Variants in MIS18BP1 observed in about 807,000 individuals in gnomAD.
MIS18BP1 encodes the protein MIS18 binding protein 1, also known as mis18-binding protein 1.
In MIS18BP1, 72 loss-of-function variants were observed where a neutral mutation model predicts 116.1. The ratio of observed to expected loss-of-function variants is 0.62; its 90% CI spans 0.51 to 0.75. MIS18BP1 has a LOEUF of 0.75. Among genes scored for constraint, MIS18BP1 ranks in the 30% least tolerant of loss-of-function variants. The probability of loss-of-function intolerance (pLI) is 0.00; values close to 1 mark genes in which losing one functional copy is unlikely to be tolerated. For synonymous variants in MIS18BP1, 386 were observed against 427.0 expected, an observed-to-expected ratio of 0.90 and a Z score of 1.18; for missense variants, 1,363 against 1,303.2, an observed-to-expected ratio of 1.05 and a Z score of -0.71.
chr14:45,216,079 T>C (rs1203654835), intron 13 of MIS18BP1, among the ~76,000 whole-genome samples: 2 of 152,224 alleles, frequency 1.3e-5, no homozygotes, highest in Non-Finnish European at 2.9e-5. Context: ...ATATTTGTAT[T>C]GTATTTCACT....
intron 13 of MIS18BP1, among the ~76,000 whole-genome samples, chr14:45,211,133 C>G (rs1057166342): frequency 6.6e-6 from 1 of 152,134 alleles, no homozygotes; most frequent in Non-Finnish European, 1.5e-5. Context: ...AAAATGTGAA[C>G]CTCCGTTTCT....
At chr14:45,231,382 C>T in intron 7 of MIS18BP1, 84 bp from the exon 8 acceptor site, 1 of 1,226,492 alleles carries the variant, frequency 8.2e-7, no homozygotes, top group Non-Finnish European at 1.1e-6. Flanking sequence ...TAAATAAAAA[C>T]CCCTCACATA....
At chr14:45,219,866 T>G (rs1303911022) in intron 11 of MIS18BP1, among the ~76,000 whole-genome samples, 1 of 152,200 alleles carries the variant, frequency 6.6e-6, no homozygotes, top group Admixed American at 6.5e-5. Flanking sequence ...CAAATAATAA[T>G]GTATTTAATA....
At chr14:45,218,556 GA>G in intron 11 of MIS18BP1, 102 bp from the exon 12 acceptor site, 2 of 1,082,850 alleles carry the variant, frequency 1.8e-6, no homozygotes, top group Non-Finnish European at 2.5e-6. Context: ...TGAGATGAAG[GA>G]ATCAGTTTTA....
intron 2 of MIS18BP1, among the ~76,000 whole-genome samples, chr14:45,244,264 C>T (rs1447666144): frequency 6.6e-6 from 1 of 152,154 alleles, no homozygotes; most frequent in Non-Finnish European, 1.5e-5. Flanking sequence ...TGGGCATCTA[C>T]CCATGTGTTC....
chr14:45,220,754 G>A (rs1459646651), intron 11 of MIS18BP1, among the ~76,000 whole-genome samples: 2 of 152,194 alleles, frequency 1.3e-5, no homozygotes, highest in Non-Finnish European at 2.9e-5. Context: ...CAGGGAGAGG[G>A]AGGAGCTTGG....
At chr14:45,249,230 C>T (rs1891804449) in intron 1 of MIS18BP1, among the ~76,000 whole-genome samples, 1 of 152,080 alleles carries the variant, frequency 6.6e-6, no homozygotes. Flanking sequence ...TAGCTGGGAT[C>T]ACAGGCACAT....
At position 45,210,522 on chromosome 14, in the gene MIS18BP1, T is replaced by C. The variant is rs750112393; in HGVS notation, c.3010A>G (p.Ser1004Gly). Reference sequence around the variant, plus strand: ...TCATCATCTTCACTGTCCTGGAAACTTGGCAACTAGAAAACAAGTATTTAT... The same window carrying C: ...TCATCATCTTCACTGTCCTGGAAACCTGGCAACTAGAAAACAAGTATTTAT... ...PLQHQRILLP[S>G]FQDSEDDDDI... Residue 1004 changes from serine (S) to glycine (G), a missense_variant, in exon 14 of 17, where the codon AGT becomes GGT. Coordinates refer to ENST00000310806, the MANE Select transcript of MIS18BP1 (RefSeq NM_018353.5). 1.9e-6 allele frequency: 3 copies of C among 1,613,696 alleles called. No individual in the cohort carries two copies. The highest frequency in any genetic ancestry group is 2.2e-5 in the East Asian group (1 of 44,848).
intron 11 of MIS18BP1, among the ~76,000 whole-genome samples, chr14:45,222,285 T>C (rs1312586379): frequency 6.6e-6 from 1 of 152,086 alleles, no homozygotes; most frequent in African/African-American, 2.4e-5. Context: ...TTGTTCCATG[T>C]AAAAAAATCC....
intron 9 of MIS18BP1, 78 bp from the exon 10 acceptor site, chr14:45,226,914 A>T: frequency 8.9e-7 from 1 of 1,127,278 alleles, no homozygotes; most frequent in Non-Finnish European, 1.2e-6. Flanking sequence ...CATAGTATGC[A>T]TCAAGCATAC....
At chr14:45,238,530 T>TA (rs1891487566) in intron 4 of MIS18BP1, among the ~76,000 whole-genome samples, 2 of 152,180 alleles carry the variant, frequency 1.3e-5, no homozygotes, top group African/African-American at 4.8e-5. Flanking sequence ...TATGTTCATT[T>TA]AAAAAATTAT....
At chr14:45,237,583 T>C in intron 5 of MIS18BP1, 65 bp downstream of exon 5, 1 of 1,522,646 alleles carries the variant, frequency 6.6e-7, no homozygotes, top group Middle Eastern at 1.8e-4. Context: ...TTCTCATGCA[T>C]TAACTCTTAA....
chr14:45,239,184 T>C (rs1027565490), intron 4 of MIS18BP1, among the ~76,000 whole-genome samples: 3 of 152,136 alleles, frequency 2.0e-5, no homozygotes, highest in African/African-American at 7.2e-5. Flanking sequence ...CTGTTTTAGA[T>C]AGTGGAGATT....
intron 1 of MIS18BP1, among the ~76,000 whole-genome samples, chr14:45,248,284 C>T (rs1474378252): frequency 6.6e-6 from 1 of 152,014 alleles, no homozygotes; most frequent in Non-Finnish European, 1.5e-5. Context: ...TCAGGCTGGT[C>T]TCAAACTCCT....
intron 2 of MIS18BP1, among the ~76,000 whole-genome samples, chr14:45,244,161 C>A (rs1056915356): frequency 6.6e-6 from 1 of 152,122 alleles, no homozygotes; most frequent in East Asian, 1.9e-4. Context: ...CTAACAGATA[C>A]CTATATTCAG....
intron 13 of MIS18BP1, among the ~76,000 whole-genome samples, chr14:45,212,095 A>G (rs182670179): frequency 0.011 from 1,689 of 152,092 alleles, 102 homozygotes; most frequent in Admixed American, 0.1. Flanking sequence ...CTCACATTGG[A>G]CTGTCCCCTG....
At chr14:45,240,871 C>A (rs1453864573) in intron 4 of MIS18BP1, among the ~76,000 whole-genome samples, 1 of 151,962 alleles carries the variant, frequency 6.6e-6, no homozygotes, top group Non-Finnish European at 1.5e-5. Flanking sequence ...CACTGCACTC[C>A]AGCCTGGGTG....
intron 6 of MIS18BP1, 149 bp from the exon 7 acceptor site, chr14:45,232,969 C>T: frequency 3.6e-6 from 2 of 555,654 alleles, no homozygotes; most frequent in Non-Finnish European, 6.5e-6. Context: ...CGGCAGTAAA[C>T]AAAGCAGACA....
chr14:45,228,439 C>T (rs369138655), intron 8 of MIS18BP1, among the ~76,000 whole-genome samples: 2 of 152,172 alleles, frequency 1.3e-5, no homozygotes, highest in African/African-American at 4.8e-5. Flanking sequence ...CCTAACTGCA[C>T]ATCAACTAAA....
Sources: gnomAD v4.1 joint callset for allele counts (sites outside exome capture counted in the v4.1 genomes callset) on GRCh38, gnomAD v4.1.1 for gene constraint, MANE v1.5 for transcripts, NCBI Gene and HGNC (gene_info 2026-07-23, HGNC 2026-07-21) for gene names.